KYAT1: variants seen among roughly 807,000 people sequenced by gnomAD.
KYAT1 encodes the protein kynurenine--oxoglutarate transaminase 1.
KYAT1 carries 47 observed loss-of-function variants against 52.4 expected under a neutral mutation model. That is an observed-to-expected ratio of 0.90 (90% CI 0.71 to 1.14). The LOEUF is 1.14. KYAT1 is among the 50% of genes most tolerant of loss of function. The probability of loss-of-function intolerance (pLI) is 0.00; values close to 1 mark genes in which losing one functional copy is unlikely to be tolerated. For synonymous variants in KYAT1, 212 were observed against 209.6 expected (o/e 1.01, Z -0.10); for missense variants, 480 against 557.9 (o/e 0.86, Z 1.41).
intron 1 of KYAT1, among the ~76,000 whole-genome samples, chr9:128,871,676 C>T (rs959832425): frequency 7.2e-5 from 11 of 152,194 alleles, no homozygotes; most frequent in Non-Finnish European, 1.3e-4. Context: ...CACAGCACTG[C>T]ATTCCAGCCT....
intron 1 of KYAT1, among the ~76,000 whole-genome samples, chr9:128,845,776 AG>A (rs1329495720): frequency 6.6e-6 from 1 of 152,224 alleles, no homozygotes; most frequent in African/African-American, 2.4e-5. Flanking sequence ...GAGGAGCAGG[AG>A]GTGGGTGGAG....
Position 128,833,659 on chromosome 9 carries a change from T to C in KYAT1, c.1210-16A>G. On this transcript the variant is annotated splice_polypyrimidine_tract_variant and intron_variant, in intron 12 of 12. Transcript: ENST00000302586. ...TGGCTTCATCCTGCGCCAGCACAGATTAGTCCTACACTCTCCCCATGTGCC... is the reference window on the plus strand; with the variant it reads ...TGGCTTCATCCTGCGCCAGCACAGACTAGTCCTACACTCTCCCCATGTGCC... 1 of 1,614,180 alleles carries C rather than the reference T, an allele frequency of 6.2e-7. No individual in the cohort carries two copies. The highest frequency in any genetic ancestry group is 8.5e-7 in the Non-Finnish European group (1 of 1,180,010).
intron 1 of KYAT1, among the ~76,000 whole-genome samples, chr9:128,857,396 C>G (rs955115743): frequency 4.6e-5 from 7 of 152,208 alleles, no homozygotes; most frequent in Non-Finnish European, 8.8e-5. Flanking sequence ...TACTTCTTTT[C>G]TCAGTCTCTC....
chr9:128,875,623 C>CAA (rs36179747), intron 1 of KYAT1, among the ~76,000 whole-genome samples: 3 of 128,340 alleles, frequency 2.3e-5, no homozygotes, highest in Non-Finnish European at 3.4e-5. Flanking sequence ...GACTCCGCTT[C>CAA]AAAAAAAAAA....
At chr9:128,840,455 T>TG (rs1831946071) in intron 3 of KYAT1, among the ~76,000 whole-genome samples, 4 of 152,140 alleles carry the variant, frequency 2.6e-5, no homozygotes, top group African/African-American at 9.7e-5. Flanking sequence ...CTCACCATGT[T>TG]GGGCAGGCTG....
intron 1 of KYAT1, among the ~76,000 whole-genome samples, chr9:128,856,817 T>C (rs1430470094): frequency 6.6e-6 from 1 of 152,218 alleles, no homozygotes; most frequent in Non-Finnish European, 1.5e-5. Flanking sequence ...TCTCCCCATG[T>C]GATAATCTGA....
intron 1 of KYAT1, among the ~76,000 whole-genome samples, chr9:128,878,868 C>A (rs1485122610): frequency 6.6e-6 from 1 of 152,104 alleles, no homozygotes; most frequent in African/African-American, 2.4e-5. Flanking sequence ...GATAGCCTCG[C>A]GGGAGCCTTG....
chr9:128,856,811 C>T lies in KYAT1; in HGVS notation c.-6-11400G>A, dbSNP rs200340944. The stretch of plus-strand genomic sequence containing the variant: ...AGCCACGTATTGTCCAAGGTTTCTC[C>T]CCATGTGATAATCTGAAATATGGCC... On this transcript the variant is annotated intron_variant, in intron 1 of 12. Transcript: ENST00000302586. Among the ~76,000 whole-genome samples, 7 of 152,352 alleles carry T rather than the reference C, an allele frequency of 4.6e-5. No homozygotes were observed. The East Asian group carries it at 1.2e-3, about 25-fold the overall frequency.
intron 1 of KYAT1, 128 bp from the exon 2 acceptor site, chr9:128,845,539 G>C: frequency 1.2e-6 from 1 of 842,848 alleles, no homozygotes; most frequent in Non-Finnish European, 1.9e-6. Flanking sequence ...AGGGGGAAGA[G>C]ATAGAGTTTG....
chr9:128,836,216 C>A (rs912086912), intron 7 of KYAT1, 143 bp from the exon 8 acceptor site: 6 of 571,714 alleles, frequency 1.0e-5, no homozygotes, highest in Non-Finnish European at 1.8e-5. Flanking sequence ...AATTTTTTTT[C>A]TTTCTTTCTT....
chr9:128,856,216 A>G (rs1262964483), intron 1 of KYAT1, among the ~76,000 whole-genome samples: 1 of 152,204 alleles, frequency 6.6e-6, no homozygotes, highest in Non-Finnish European at 1.5e-5. Flanking sequence ...GCCCAGTTCA[A>G]TCTGGTGCCA....
intron 1 of KYAT1, among the ~76,000 whole-genome samples, chr9:128,864,673 A>T (rs1835956588): frequency 6.6e-6 from 1 of 151,986 alleles, no homozygotes; most frequent in Non-Finnish European, 1.5e-5. Flanking sequence ...CAGCAGCGCG[A>T]TCTCAGCTCT....
At chr9:128,843,089 C>T (rs754398868) in intron 2 of KYAT1, among the ~76,000 whole-genome samples, 44 of 152,290 alleles carry the variant, frequency 2.9e-4, no homozygotes, top group South Asian at 1.9e-3. Context: ...ATCACTTGAA[C>T]CCGGGAACCG....
At chr9:128,869,298 A>G (rs1185930814) in intron 1 of KYAT1, among the ~76,000 whole-genome samples, 1 of 151,834 alleles carries the variant, frequency 6.6e-6, no homozygotes, top group Non-Finnish European at 1.5e-5. Context: ...CATAGCTGGG[A>G]CTACAGGCGC....
chr9:128,872,299 C>T (rs1346564751), intron 1 of KYAT1, among the ~76,000 whole-genome samples: 3 of 151,316 alleles, frequency 2.0e-5, no homozygotes, highest in African/African-American at 7.3e-5. Context: ...AAAAAATTAG[C>T]CAGGCGTGGT....
At chr9:128,867,049 T>A (rs1402721647) in intron 1 of KYAT1, among the ~76,000 whole-genome samples, 1 of 152,198 alleles carries the variant, frequency 6.6e-6, no homozygotes, top group Non-Finnish European at 1.5e-5. Context: ...TCCTACAATG[T>A]ACTAAAAGGT....
chr9:128,865,359 ATTT>A (rs776787253), intron 1 of KYAT1, among the ~76,000 whole-genome samples: 1 of 27,312 alleles, frequency 3.7e-5, no homozygotes, highest in Non-Finnish European at 5.3e-5. Context: ...ATATATATAT[ATTT>A]TTTTTTTTTT....
In KYAT1 at chr9:128,851,869, G is replaced by C. The variant is rs139400215; in HGVS notation, c.-6-6458C>G. On this transcript the variant is annotated intron_variant, in intron 1 of 12. Transcript: ENST00000302586. ...GAAACATTAAAATTAAAAGGAAAAA[G>C]TCCAGAATCATTGGGGCCATTGGGG... is the stretch of plus-strand genomic sequence containing the variant. 2.5e-3 allele frequency among the ~76,000 whole-genome samples: 373 copies of C among 152,244 alleles called. 4 individuals are homozygous for C. The highest frequency in any genetic ancestry group is 8.1e-3 in the African/African-American group (338 of 41,552).
chr9:128,849,717 A>G (rs953332811), intron 1 of KYAT1, among the ~76,000 whole-genome samples: 3 of 149,446 alleles, frequency 2.0e-5, no homozygotes, highest in Non-Finnish European at 4.5e-5. Flanking sequence ...AATTGCTTCA[A>G]CTTGGGAGAT....
Sources: allele counts gnomAD v4.1 joint callset (sites outside exome capture counted in the v4.1 genomes callset), GRCh38; gene constraint gnomAD v4.1.1; transcripts MANE v1.5; gene names NCBI Gene and HGNC (gene_info 2026-07-23, HGNC 2026-07-21).